Variants in OAS2 observed in about 807,000 individuals in gnomAD.
The protein encoded by OAS2 is 2'-5'-oligoadenylate synthetase 2.
OAS2 carries 67 observed loss-of-function variants against 71.3 expected under a neutral mutation model. The observed-to-expected ratio is 0.94, with a 90% CI of 0.77 to 1.15. The LOEUF (loss-of-function observed/expected upper bound fraction) is 1.15. OAS2 is among the 50% of genes most tolerant of loss of function. The pLI is 0.00. For synonymous variants in OAS2, 327 were observed against 321.8 expected, an observed-to-expected ratio of 1.02 and a Z score of -0.17; for missense variants, 789 against 822.5, an observed-to-expected ratio of 0.96 and a Z score of 0.50.
Position 113,004,955 on chromosome 12 carries a change from A to C in OAS2, c.1201A>C (p.Thr401Pro), listed in dbSNP as rs1248811798. ...IVRGGSTAKG[T>P]ALKTGSDADL... ...TTAGGGAGGATCAACCGCCAAAGGC[A>C]CAGCTCTGAAGACTGGCTCTGATGC... The change falls in exon 7 of 10, where the codon ACA (threonine) becomes CCA (proline). Residue 401 changes from threonine (T) to proline (P), a missense_variant. Transcript: ENST00000392583. The C allele has an allele frequency of 6.2e-7, 1 of 1,614,148 alleles. No individual in the cohort carries two copies. Among genetic ancestry groups the C allele is most frequent in the Non-Finnish European group, 8.5e-7 (1 of 1,179,984 alleles).
chr12:113,010,499 T>C lies in OAS2; in HGVS notation c.*1244T>C. 1.2e-6 allele frequency: 2 copies of C among 1,611,506 alleles called. No individual in the cohort carries two copies. Among genetic ancestry groups the C allele is most frequent in the Non-Finnish European group, 8.5e-7 (1 of 1,179,492 alleles). On this transcript the variant is annotated 3_prime_UTR_variant, in exon 10 of 10. Transcript: ENST00000392583. ...GAAACTTCTAGAGATCATCTGGCAATCGCTTTTAAAGACTCGGCTCACCGT... is the reference window on the plus strand; with the variant it reads ...GAAACTTCTAGAGATCATCTGGCAACCGCTTTTAAAGACTCGGCTCACCGT...
At chr12:112,982,376 A>G (rs1182831327) in intron 1 of OAS2, among the ~76,000 whole-genome samples, 1 of 152,194 alleles carries the variant, frequency 6.6e-6, no homozygotes, top group Non-Finnish European at 1.5e-5. Flanking sequence ...GGTTTTTAGC[A>G]TAAAGGGATG....
chr12:112,998,366 C>G lies in OAS2; in HGVS notation c.964C>G (p.Pro322Ala), dbSNP rs1009455541. The change falls in exon 5 of 10, where the codon CCC (proline) becomes GCC (alanine). Residue 322 changes from proline (P) to alanine (A), a missense_variant. Pro to Ala is a conservative substitution (Grantham distance 27). Transcript: ENST00000392583. Reference protein sequence around the residue: ...KKEAQTWLTSPNLDNELPAPS... With the variant: ...KKEAQTWLTSANLDNELPAPS... The stretch of plus-strand genomic sequence containing the variant: ...AGAAGCTCAAACCTGGTTGACTTCT[C>G]CCAACCTGGATAATGAGTTACCTGC... 36 of 1,610,518 alleles carry G rather than the reference C, an allele frequency of 2.2e-5. No homozygotes were observed. Among genetic ancestry groups the G allele is most frequent in the Non-Finnish European group, 2.9e-5 (34 of 1,179,260 alleles).
intron 6 of OAS2, among the ~76,000 whole-genome samples, chr12:113,004,673 G>C (rs1294370813): frequency 6.6e-6 from 1 of 152,216 alleles, no homozygotes; most frequent in Non-Finnish European, 1.5e-5. Context: ...CTGAGAAGCA[G>C]GTAACTTGTA....
chr12:112,998,540 A>G, intron 5 of OAS2, 130 bp downstream of exon 5: 2 of 1,051,368 alleles, frequency 1.9e-6, no homozygotes, highest in Non-Finnish European at 2.7e-6. Flanking sequence ...CACAACACAG[A>G]TGGCTTAAAG....
chr12:113,002,696 A>T (rs1267076732), intron 5 of OAS2, among the ~76,000 whole-genome samples: 1 of 152,204 alleles, frequency 6.6e-6, no homozygotes, highest in Non-Finnish European at 1.5e-5. Context: ...CCTAGGGGGA[A>T]GGAGGGGCAA....
chr12:113,007,997 C>A, intron 9 of OAS2, 54 bp downstream of exon 9: 1 of 1,279,490 alleles, frequency 7.8e-7, no homozygotes, highest in Non-Finnish European at 1.1e-6. Flanking sequence ...TGAACACTGT[C>A]TCAGCAACCT....
chr12:113,004,825 A>T (rs553023651), intron 6 of OAS2, 109 bp from the exon 7 acceptor site: 193 of 1,068,616 alleles, frequency 1.8e-4, no homozygotes, highest in Non-Finnish European at 2.3e-4. Context: ...CCTAACGCAG[A>T]ACTTGGCCTT....
At chr12:112,986,237 G>T (rs1019911878) in intron 1 of OAS2, among the ~76,000 whole-genome samples, 1 of 152,212 alleles carries the variant, frequency 6.6e-6, no homozygotes, top group East Asian at 1.9e-4. Flanking sequence ...AGTATGCCAG[G>T]CATGCTGGTC....
At chr12:113,003,227 C>A in intron 6 of OAS2, 125 bp downstream of exon 6, 1 of 1,039,080 alleles carries the variant, frequency 9.6e-7, no homozygotes, top group Non-Finnish European at 1.4e-6. Context: ...GGAAGGGAAG[C>A]CAGGAGTTAA....
chr12:112,989,781 G>T (rs1357110078), intron 2 of OAS2, among the ~76,000 whole-genome samples: 1 of 152,140 alleles, frequency 6.6e-6, no homozygotes, highest in Non-Finnish European at 1.5e-5. Context: ...ACTTTGGAAT[G>T]CCTTTGCTGA....
intron 3 of OAS2, among the ~76,000 whole-genome samples, chr12:112,996,065 G>A (rs1169637794): frequency 1.3e-5 from 2 of 152,186 alleles, no homozygotes; most frequent in African/African-American, 2.4e-5. Context: ...GCCTCCCAAA[G>A]TGTTGGGATT....
chr12:113,010,594 TCTTGAAATCAATCAAGACTGCAAACC>T lies in OAS2; in HGVS notation c.*1343_*1368del. ...TCCTCCTTCCCTTGCTTCTTGGACT[TCTTGAAATCAATCAAGACTGCAAACC>T]CTTTCATAAAGTCTTGCCTTGCTGA... On this transcript the variant is annotated 3_prime_UTR_variant, in exon 10 of 10. Coordinates refer to ENST00000392583, the MANE Select transcript of OAS2 (RefSeq NM_002535.3). The T allele has an allele frequency of 6.7e-7, 1 of 1,484,500 alleles. No individual in the cohort carries two copies. The highest frequency in any genetic ancestry group is 8.9e-7 in the Non-Finnish European group (1 of 1,120,762). The allele number at this position is 1,484,500 out of a possible 1,614,324, so 92.0% of individuals were successfully genotyped here. A position where few individuals can be genotyped will look rare whatever the true frequency, so the allele number is the denominator to read the frequency against.
chr12:113,003,178 T>G, intron 6 of OAS2, 76 bp downstream of exon 6: 2 of 1,467,066 alleles, frequency 1.4e-6, no homozygotes, highest in Non-Finnish European at 1.9e-6. Flanking sequence ...TAAGTGGGCA[T>G]TGTAGCTCTC....
At chr12:112,980,277 T>C (rs1278055880) in intron 1 of OAS2, among the ~76,000 whole-genome samples, 1 of 152,254 alleles carries the variant, frequency 6.6e-6, no homozygotes, top group Non-Finnish European at 1.5e-5. Flanking sequence ...CTCTTCTAAC[T>C]ATTTTGAAAT....
At chr12:112,984,749 T>C (rs1302834062) in intron 1 of OAS2, among the ~76,000 whole-genome samples, 1 of 152,138 alleles carries the variant, frequency 6.6e-6, no homozygotes, top group Non-Finnish European at 1.5e-5. Context: ...TACCAGTGAG[T>C]TTTATACTTT....
chr12:112,991,853 G>T (rs2044195308), intron 2 of OAS2, among the ~76,000 whole-genome samples: 1 of 152,082 alleles, frequency 6.6e-6, no homozygotes, highest in Non-Finnish European at 1.5e-5. Flanking sequence ...ATGAGGACAG[G>T]TATCATGAGT....
chr12:112,978,533 G>A lies in OAS2; in HGVS notation c.-76G>A. ...CTCTAGACTTCAGTTTCAGTTTCCTGGCTCTGGGCAGCAGCAAGAATTCCT... is the reference window on the plus strand; with the variant it reads ...CTCTAGACTTCAGTTTCAGTTTCCTAGCTCTGGGCAGCAGCAAGAATTCCT... On this transcript the variant is annotated 5_prime_UTR_variant, in exon 1 of 10. Coordinates refer to ENST00000392583, the MANE Select transcript of OAS2 (RefSeq NM_002535.3). This position sits in a 1 kb window ranked among gnomAD's most constrained non-coding sequence, Gnocchi z 4.2. The A allele has an allele frequency of 6.6e-7, 1 of 1,523,530 alleles. No homozygotes were observed. The highest frequency in any genetic ancestry group is 1.1e-5 in the South Asian group (1 of 87,954). The allele number at this position is 1,523,530 out of a possible 1,614,324, so 94.4% of individuals were successfully genotyped here.
At chr12:112,979,329 C>T (rs557700741) in intron 1 of OAS2, among the ~76,000 whole-genome samples, 1 of 152,244 alleles carries the variant, frequency 6.6e-6, no homozygotes, top group Non-Finnish European at 1.5e-5. Flanking sequence ...GATGCCAGGA[C>T]CCTAGAATTG....
Sources: gnomAD v4.1 joint callset for allele counts (sites outside exome capture counted in the v4.1 genomes callset) on GRCh38, gnomAD v4.1.1 for gene constraint, Gnocchi (gnomAD v3.1) non-coding constraint, MANE v1.5 for transcripts, NCBI Gene and HGNC (gene_info 2026-07-23, HGNC 2026-07-21) for gene names.